C12orf42: variants seen among roughly 807,000 people sequenced by gnomAD.
C12orf42 encodes the protein uncharacterized protein C12orf42.
In C12orf42, 25 loss-of-function variants were observed where a neutral mutation model predicts 21.6. The observed-to-expected ratio is 1.16, with a 90% CI of 0.84 to 1.62. The LOEUF is 1.62. C12orf42 is among the 40% of genes most tolerant of loss of function. The pLI is 0.00. For missense variants in C12orf42, 483 were observed against 459.3 expected, an observed-to-expected ratio of 1.05 and a Z score of -0.47; for synonymous variants, 174 against 175.0, an observed-to-expected ratio of 0.99 and a Z score of 0.05.
the C12orf42 span, among the ~76,000 whole-genome samples, chr12:103,087,561 A>T: frequency 6.6e-6 from 1 of 152,262 alleles, no homozygotes; most frequent in African/African-American, 2.4e-5. Context: ...AAGGCCAGTT[A>T]TCTGAGAGTG....
rs140473355 is a variant in C12orf42, at chr12:103,333,893, C to T, written c.260-27548G>A. On this transcript the variant is annotated intron_variant, in intron 4 of 5. Coordinates refer to ENST00000548883, the MANE Select transcript of C12orf42 (RefSeq NM_198521.5). ...TCCAGAATTAAGACCATGAACAATG[C>T]CTCATATTTACTACAAGAACCAGAG... 1.7e-3 allele frequency among the ~76,000 whole-genome samples: 256 copies of T among 152,282 alleles called. 2 individuals are homozygous for T. Among genetic ancestry groups the T allele is most frequent in the African/African-American group, 5.5e-3 (230 of 41,564 alleles).
the C12orf42 span, among the ~76,000 whole-genome samples, chr12:103,144,514 T>A: frequency 6.6e-6 from 1 of 152,220 alleles, no homozygotes; most frequent in East Asian, 1.9e-4. Flanking sequence ...AGAGTACAGT[T>A]TTCTGATGCC....
At chr12:103,197,873 G>A in the C12orf42 span, among the ~76,000 whole-genome samples, 2 of 152,170 alleles carry the variant, frequency 1.3e-5, no homozygotes, top group African/African-American at 4.8e-5. Flanking sequence ...GTAATTGTAG[G>A]GGGCTGGGAC....
intron 2 of C12orf42, among the ~76,000 whole-genome samples, chr12:103,447,699 CA>C (rs940409605): frequency 6.6e-6 from 1 of 150,914 alleles, no homozygotes; most frequent in Non-Finnish European, 1.5e-5. Flanking sequence ...ACAACAGCTG[CA>C]AAAAAAATAA....
chr12:103,277,742 C>G (rs1409766259), intron 4 of C12orf42, among the ~76,000 whole-genome samples: 3 of 152,012 alleles, frequency 2.0e-5, no homozygotes, highest in Middle Eastern at 3.2e-3. Context: ...GCCTCAACCT[C>G]CTCAGCAGCT....
At chr12:103,454,853 C>T (rs1157739075) in intron 2 of C12orf42, among the ~76,000 whole-genome samples, 2 of 152,164 alleles carry the variant, frequency 1.3e-5, no homozygotes, top group Admixed American at 1.3e-4. Flanking sequence ...AGACTTTGAA[C>T]AGCACGTGTC....
the C12orf42 span, among the ~76,000 whole-genome samples, chr12:103,155,727 T>A: frequency 9.8e-6 from 1 of 102,278 alleles, no homozygotes; most frequent in Admixed American, 1.1e-4. Context: ...CAAGTGTATA[T>A]ATATACATAT....
At chr12:103,476,824 G>A (rs1954087744) in intron 2 of C12orf42, 1 of 151,928 alleles carries the variant, frequency 6.6e-6, no homozygotes, top group South Asian at 2.1e-4. Context: ...TCAATAGTAG[G>A]GTATTTACAG....
chr12:103,135,349 T>TGAAGCCCCACCGGG, the C12orf42 span, among the ~76,000 whole-genome samples: 2 of 152,008 alleles, frequency 1.3e-5, no homozygotes, highest in East Asian at 3.9e-4. Flanking sequence ...TCCCAGCTAC[T>TGAAGCCCCACCGGG]CAGGAGGCTG....
the C12orf42 span, among the ~76,000 whole-genome samples, chr12:103,172,670 T>C: frequency 6.6e-6 from 1 of 152,138 alleles, no homozygotes; most frequent in African/African-American, 2.4e-5. Context: ...GACATCACTG[T>C]ATTTCCTAAT....
intron 3 of C12orf42, among the ~76,000 whole-genome samples, chr12:103,391,283 A>C (rs2047058480): frequency 6.6e-6 from 1 of 152,144 alleles, no homozygotes; most frequent in African/African-American, 2.4e-5. Flanking sequence ...GTTTTCGATT[A>C]TTTAGGAATA....
the C12orf42 span, among the ~76,000 whole-genome samples, chr12:103,224,013 G>C: frequency 1.3e-5 from 2 of 152,150 alleles, no homozygotes; most frequent in African/African-American, 2.4e-5. Context: ...AGGCTCATCT[G>C]TTATCAGACT....
the C12orf42 span, among the ~76,000 whole-genome samples, chr12:103,538,473 G>A: frequency 2.6e-5 from 4 of 152,200 alleles, no homozygotes; most frequent in Admixed American, 2.0e-4. Context: ...CCCTTAGAAG[G>A]TGTCCATTTA....
At chr12:103,380,355 ATT>A (rs903899750) in intron 3 of C12orf42, among the ~76,000 whole-genome samples, 1 of 150,364 alleles carries the variant, frequency 6.7e-6, no homozygotes, top group Non-Finnish European at 1.5e-5. Context: ...CTTCTGTGAG[ATT>A]TTTTTTTTGT....
intron 2 of C12orf42, among the ~76,000 whole-genome samples, chr12:103,455,519 C>G (rs561421044): frequency 1.3e-5 from 2 of 152,118 alleles, no homozygotes; most frequent in Non-Finnish European, 2.9e-5. Context: ...AACTCTTATG[C>G]ATCCTGGTTT....
At chr12:103,089,051 G>A in the C12orf42 span, among the ~76,000 whole-genome samples, 1 of 132,230 alleles carries the variant, frequency 7.6e-6, no homozygotes, top group Non-Finnish European at 1.5e-5. Flanking sequence ...GCAGTGAGCT[G>A]AGATCGCGCC....
chr12:103,491,555 T>C (rs1015816855), intron 1 of C12orf42, among the ~76,000 whole-genome samples: 1 of 152,236 alleles, frequency 6.6e-6, no homozygotes, highest in Admixed American at 6.5e-5. Flanking sequence ...CACTCTATTG[T>C]TATCTGGCTT....
the C12orf42 span, among the ~76,000 whole-genome samples, chr12:103,160,464 C>G: frequency 6.6e-5 from 10 of 152,258 alleles, no homozygotes; most frequent in African/African-American, 2.2e-4. Context: ...ACATTGTTCT[C>G]TAATAAAATT....
the C12orf42 span, among the ~76,000 whole-genome samples, chr12:103,118,154 C>T: frequency 6.6e-6 from 1 of 152,306 alleles, no homozygotes; most frequent in Non-Finnish European, 1.5e-5. Context: ...CTTGCCACTA[C>T]AATGATCCTG....
Sources: allele counts gnomAD v4.1 joint callset (sites outside exome capture counted in the v4.1 genomes callset), GRCh38; gene constraint gnomAD v4.1.1; transcripts MANE v1.5; gene names NCBI Gene and HGNC (gene_info 2026-07-23, HGNC 2026-07-21).